Variants in KCTD10 observed in about 807,000 individuals in gnomAD.
KCTD10 encodes the protein BTB/POZ domain-containing adapter for CUL3-mediated RhoA degradation protein 3.
A neutral mutation model predicts 34.6 loss-of-function variants in KCTD10; 13 were observed. That is an observed-to-expected ratio of 0.38 (90% CI 0.24 to 0.60). KCTD10 has a LOEUF of 0.60. KCTD10 is among the 20% of genes least tolerant of loss of function. The probability of loss-of-function intolerance (pLI) is 0.66; values close to 1 mark genes in which losing one functional copy is unlikely to be tolerated. For synonymous variants in KCTD10, 156 were observed against 168.8 expected, an observed-to-expected ratio of 0.92 and a Z score of 0.59; for missense variants, 256 against 420.3, an observed-to-expected ratio of 0.61 and a Z score of 3.42.
In KCTD10 at chr12:109,449,682, T is replaced by A. The variant is rs1369220970; in HGVS notation, c.*1913A>T. ...CACAAGTTGTGGTAAGTGGAGATGG[T>A]GCCACTACACTCCAGCCTGGCCAAT... On this transcript the variant is annotated 3_prime_UTR_variant, in exon 7 of 7. Coordinates refer to ENST00000228495, the MANE Select transcript of KCTD10 (RefSeq NM_031954.5). 3.3e-5 allele frequency: 5 copies of A among 152,060 alleles called. No homozygotes were observed. The highest frequency in any genetic ancestry group is 3.3e-4 in the Admixed American group (5 of 15,274). The allele number at this position is 152,060 out of a possible 1,614,324, so 9.4% of individuals were successfully genotyped here.
intron 2 of KCTD10, among the ~76,000 whole-genome samples, chr12:109,461,963 C>T (rs1038593706): frequency 1.0e-4 from 15 of 148,450 alleles, no homozygotes; most frequent in South Asian, 6.4e-4. Context: ...CATTTCCACT[C>T]CTAACAACGC....
At position 109,450,108 on chromosome 12, in the gene KCTD10, CAT is replaced by C; in HGVS notation, c.*1485_*1486del. 2.5e-6 allele frequency: 1 copy of C among 396,868 alleles called. No individual in the cohort carries two copies. Among genetic ancestry groups the C allele is most frequent in the Non-Finnish European group, 4.4e-6 (1 of 225,502 alleles). 24.6% of individuals were successfully genotyped at this position (396,868 alleles called of 1,614,324 possible). ...AAAATATAAACTCGTTTTTGGAATACATGTGTCAAAGGCTGCCCATGTTAATA... is the reference window on the plus strand; with the variant it reads ...AAAATATAAACTCGTTTTTGGAATACGTGTCAAAGGCTGCCCATGTTAATA... On this transcript the variant is annotated 3_prime_UTR_variant, in exon 7 of 7. Transcript: ENST00000228495.
At chr12:109,462,429 T>C (rs1420769198) in intron 2 of KCTD10, among the ~76,000 whole-genome samples, 1 of 152,214 alleles carries the variant, frequency 6.6e-6, no homozygotes, top group African/African-American at 2.4e-5. Context: ...CTGAGTCAAC[T>C]CCTGGTTTCA....
At chr12:109,463,436 A>G (rs768637747) in intron 2 of KCTD10, among the ~76,000 whole-genome samples, 19 of 152,224 alleles carry the variant, frequency 1.2e-4, no homozygotes, top group African/African-American at 2.7e-4. Context: ...CAAAGCAGGA[A>G]GTGATCCCTT....
chr12:109,470,279 G>T (rs4766474), intron 1 of KCTD10: 2 of 985,042 alleles, frequency 2.0e-6, no homozygotes, highest in Non-Finnish European at 2.4e-6. Flanking sequence ...GATTCCAGCT[G>T]GCACTCCTAT....
chr12:109,458,762 A>T (rs1022929562), intron 3 of KCTD10: 2 of 153,010 alleles, frequency 1.3e-5, no homozygotes, highest in African/African-American at 2.4e-5. Flanking sequence ...CCCCAAAGGC[A>T]GCCGGCCAGG....
chr12:109,456,518 C>T, intron 5 of KCTD10: 2 of 598,612 alleles, frequency 3.3e-6, no homozygotes, highest in Non-Finnish European at 6.0e-6. Context: ...TTGCTCAAGG[C>T]TGAACCTAAT....
intron 1 of KCTD10, chr12:109,470,277 C>G: frequency 1.0e-6 from 1 of 985,454 alleles, no homozygotes; most frequent in Non-Finnish European, 1.2e-6. Flanking sequence ...GGGATTCCAG[C>G]TGGCACTCCT....
intron 2 of KCTD10, among the ~76,000 whole-genome samples, chr12:109,462,395 GA>G (rs1873380365): frequency 2.0e-5 from 3 of 152,220 alleles, no homozygotes; most frequent in Admixed American, 2.0e-4. Context: ...CAAGTGGGGG[GA>G]AATGCAATAC....
chr12:109,462,033 C>A (rs1873356828), intron 2 of KCTD10, among the ~76,000 whole-genome samples: 1 of 152,200 alleles, frequency 6.6e-6, no homozygotes, highest in African/African-American at 2.4e-5. Flanking sequence ...TCAGACTGGG[C>A]CCTACTGATC....
At chr12:109,469,889 A>G in intron 1 of KCTD10, 161 bp from the exon 2 acceptor site, 2 of 1,394,084 alleles carry the variant, frequency 1.4e-6, no homozygotes, top group Non-Finnish European at 1.9e-6. Flanking sequence ...CTCACAGAAA[A>G]ATCTGGACTT....
chr12:109,461,538 C>T (rs1410038765), intron 2 of KCTD10, among the ~76,000 whole-genome samples: 2 of 152,160 alleles, frequency 1.3e-5, no homozygotes, highest in African/African-American at 2.4e-5. Flanking sequence ...GGAAGACTCC[C>T]TACTCTGCTG....
intron 2 of KCTD10, among the ~76,000 whole-genome samples, chr12:109,467,541 G>T (rs1873648690): frequency 6.6e-6 from 1 of 152,136 alleles, no homozygotes; most frequent in African/African-American, 2.4e-5. Context: ...AGGATTGCTT[G>T]AACCCAGGAG....
chr12:109,455,557 C>T (rs1392817000), intron 6 of KCTD10: 1 of 155,132 alleles, frequency 6.4e-6, no homozygotes, highest in African/African-American at 2.4e-5. Context: ...TCTTAAGACT[C>T]CTGTGCAAGG....
At chr12:109,465,549 C>T (rs577987259) in intron 2 of KCTD10, among the ~76,000 whole-genome samples, 1 of 152,246 alleles carries the variant, frequency 6.6e-6, no homozygotes, top group Admixed American at 6.5e-5. Flanking sequence ...CCCTCTGTAG[C>T]CAAGCTTGAG....
intron 1 of KCTD10, among the ~76,000 whole-genome samples, chr12:109,473,753 C>T (rs1874008562): frequency 6.6e-6 from 1 of 151,452 alleles, no homozygotes; most frequent in Non-Finnish European, 1.5e-5. Flanking sequence ...CTAGGGAGGA[C>T]TCTCCCCACT....
chr12:109,455,554 A>G (rs1326585324), intron 6 of KCTD10: 2 of 154,552 alleles, frequency 1.3e-5, no homozygotes, highest in Non-Finnish European at 2.9e-5. Context: ...GGCTCTTAAG[A>G]CTCCTGTGCA....
chr12:109,455,042 A>G (rs969810483), intron 6 of KCTD10, among the ~76,000 whole-genome samples: 4 of 141,754 alleles, frequency 2.8e-5, no homozygotes, highest in African/African-American at 8.1e-5. Flanking sequence ...CACAGCCCTG[A>G]AAAAAAAAAA....
At chr12:109,464,862 T>C (rs1566056488) in intron 2 of KCTD10, 2 of 455,876 alleles carry the variant, frequency 4.4e-6, no homozygotes, top group African/African-American at 2.0e-5. Context: ...GAAGTTGCCA[T>C]AACCACTCCA....
Sources: allele counts gnomAD v4.1 joint callset (sites outside exome capture counted in the v4.1 genomes callset), GRCh38; gene constraint gnomAD v4.1.1; transcripts MANE v1.5; gene names NCBI Gene and HGNC (gene_info 2026-07-23, HGNC 2026-07-21).